CD5: variants seen among roughly 807,000 people sequenced by gnomAD.
CD5 encodes the protein T-cell surface glycoprotein CD5.
A neutral mutation model predicts 60.3 loss-of-function variants in CD5; 36 were observed. The observed-to-expected ratio is 0.60, with a 90% CI of 0.46 to 0.79. CD5 has a LOEUF of 0.79. Ranked by LOEUF, CD5 falls within the 30% of genes least tolerant of loss-of-function variation. The pLI is 0.00. For missense variants in CD5, 540 were observed against 630.6 expected (o/e 0.86, Z 1.54); for synonymous variants, 230 against 257.6 (o/e 0.89, Z 1.03).
At position 61,126,798 on chromosome 11, in the gene CD5, C is replaced by T. The variant is rs149595691; in HGVS notation, c.*513C>T. On this transcript the variant is annotated 3_prime_UTR_variant, in exon 11 of 11. Coordinates refer to ENST00000347785, the MANE Select transcript of CD5 (RefSeq NM_014207.4). The stretch of plus-strand genomic sequence containing the variant: ...AGGACAGGAAGGGGACTCCCGGAGA[C>T]CTCTGCAGCCGTGGTGGTCAGAGGC... 6.6e-6 allele frequency: 1 copy of T among 152,386 alleles called. No individual in the cohort carries two copies. The highest frequency in any genetic ancestry group is 1.5e-5 in the Non-Finnish European group (1 of 68,072). 9.4% of individuals were successfully genotyped at this position (152,386 alleles called of 1,614,324 possible).
At chr11:61,119,701 G>A (rs2134607405) in intron 5 of CD5, 126 bp downstream of exon 5, 1 of 700,854 alleles carries the variant, frequency 1.4e-6, no homozygotes, top group South Asian at 1.9e-5. Context: ...GGGAAGTGGA[G>A]GCCTGGTCTT....
At chr11:61,100,579 T>TTA (rs1555009141), upstream of CD5, among the ~76,000 whole-genome samples, 1 of 68,544 alleles carries the variant, frequency 1.5e-5, no homozygotes, top group African/African-American at 7.6e-5. Context: ...AACATGGAGA[T>TTA]CACACACACA....
intron 8 of CD5, among the ~76,000 whole-genome samples, 176 bp downstream of exon 8, chr11:61,124,113 C>T (rs1861112389): frequency 1.3e-5 from 2 of 152,088 alleles, no homozygotes; most frequent in Admixed American, 6.5e-5. Context: ...CCAGGGAGGG[C>T]GGAGGCTTCT....
At position 61,102,583 on chromosome 11, in the gene CD5, C is replaced by T. The variant is rs915093681; in HGVS notation, c.23C>T (p.Pro8Leu). 8 of 1,592,406 alleles carry T rather than the reference C, an allele frequency of 5.0e-6. No individual in the cohort carries two copies. Among genetic ancestry groups the T allele is most frequent in the African/African-American group, 2.7e-5 (2 of 74,576 alleles). ...ACCATGCCCATGGGGTCTCTGCAAC[C>T]GCTGGCCACCTTGTACCTGCTGGGG... MPMGSLQ[P>L]LATLYLLGML... The change falls in exon 1 of 11, where the codon CCG (proline) becomes CTG (leucine). Residue 8 changes from proline (P) to leucine (L), a missense_variant. Pro to Leu is a moderately conservative substitution (Grantham distance 98). Coordinates refer to ENST00000347785, the MANE Select transcript of CD5 (RefSeq NM_014207.4).
rs1861125639 is a variant in CD5, at chr11:61,125,048, C to T, written c.1296C>T (p.Asn432=). 6.2e-7 allele frequency: 1 copy of T among 1,614,114 alleles called. No homozygotes were observed. The highest frequency in any genetic ancestry group is 1.1e-5 in the South Asian group (1 of 91,084). ...GMNQNMSFHR[N]HTATVRSHAE... Reference sequence around the variant, plus strand: ...TCTGCCCAGTGTCTTTCCATCGCAACCACACGGCAACCGTCCGATCCCATG... The same window carrying T: ...TCTGCCCAGTGTCTTTCCATCGCAATCACACGGCAACCGTCCGATCCCATG... The change falls in exon 9 of 11, where the codon AAC becomes AAT. Residue 432 remains asparagine (N), a synonymous_variant. Coordinates refer to ENST00000347785, the MANE Select transcript of CD5 (RefSeq NM_014207.4).
Position 61,118,495 on chromosome 11 carries a change from AGC to A in CD5, c.400+16_400+17del, listed in dbSNP as rs746834152. 1.7e-5 allele frequency: 27 copies of A among 1,609,564 alleles called. 1 individual carries two copies. The highest frequency in any genetic ancestry group is 1.1e-4 in the South Asian group (10 of 90,888). On this transcript the variant is annotated intron_variant, in intron 3 of 10. Coordinates refer to ENST00000347785, the MANE Select transcript of CD5 (RefSeq NM_014207.4). This position sits in a 1 kb window ranked among gnomAD's most constrained non-coding sequence, Gnocchi z 4.7. ...GACCTGCTTAGGTGGGTAACTAGCC[AGC>A]CACACGGGCACCCTGGGCCTGGGCG... is the stretch of plus-strand genomic sequence containing the variant.
upstream of CD5, among the ~76,000 whole-genome samples, chr11:61,097,640 C>A: frequency 6.6e-6 from 1 of 152,182 alleles, no homozygotes; most frequent in East Asian, 1.9e-4. Flanking sequence ...AACCATCTTT[C>A]TTCCAACTGC....
intron 1 of CD5, among the ~76,000 whole-genome samples, chr11:61,114,451 C>T (rs907349966): frequency 1.4e-5 from 2 of 145,458 alleles, no homozygotes; most frequent in Admixed American, 6.7e-5. Flanking sequence ...CACACACATA[C>T]ATGCATACAT....
At chr11:61,113,661 C>T (rs769940042) in intron 1 of CD5, among the ~76,000 whole-genome samples, 1 of 152,004 alleles carries the variant, frequency 6.6e-6, no homozygotes, top group Admixed American at 6.6e-5. Flanking sequence ...TTGCTCATTT[C>T]TTTCTTTCCT....
At chr11:61,113,229 C>G (rs1213093805) in intron 1 of CD5, among the ~76,000 whole-genome samples, 1 of 152,362 alleles carries the variant, frequency 6.6e-6, no homozygotes, top group East Asian at 1.9e-4. Context: ...ACCGTACTTG[C>G]ACCTAACTGA....
the CD5 span, among the ~76,000 whole-genome samples, chr11:61,093,973 G>A: frequency 6.6e-6 from 1 of 152,140 alleles, no homozygotes; most frequent in African/African-American, 2.4e-5. Context: ...GAGTCTTGCT[G>A]ATGCTCCCGG....
chr11:61,118,472 C>G lies in CD5; in HGVS notation c.392C>G (p.Thr131Ser). The change falls in exon 3 of 11, where the codon ACC becomes AGC. Residue 131 changes from threonine (T) to serine (S), a missense_variant. By Grantham distance (58) the Thr-to-Ser change is moderately conservative. Transcript: ENST00000347785. The surrounding 1 kb of genome is among the most constrained non-coding windows in gnomAD (Gnocchi z 4.7). ...GACATGTGTCACTCTCTGGGCCTGA[C>G]CTGCTTAGGTGGGTAACTAGCCAGC... is the stretch of plus-strand genomic sequence containing the variant. The part of the protein sequence containing the change: ...RNDMCHSLGL[T>S]CLEPQKTTPP... 1.2e-6 allele frequency: 2 copies of G among 1,613,932 alleles called. No homozygotes were observed. The highest frequency in any genetic ancestry group is 1.7e-6 in the Non-Finnish European group (2 of 1,179,846).
chr11:61,115,002 G>C (rs1860917322), intron 1 of CD5, 54 bp from the exon 2 acceptor site: 1 of 1,528,060 alleles, frequency 6.5e-7, no homozygotes, highest in African/African-American at 1.4e-5. Flanking sequence ...GAGCTGGGGA[G>C]AAGGGAGAGA....
intron 6 of CD5, 81 bp downstream of exon 6, chr11:61,121,985 G>A: frequency 7.9e-7 from 1 of 1,259,406 alleles, no homozygotes; most frequent in Non-Finnish European, 1.1e-6. Flanking sequence ...TGTCTCTAAA[G>A]GGAAGCCCTG....
intron 7 of CD5, among the ~76,000 whole-genome samples, chr11:61,123,338 C>A (rs1861097099): frequency 6.6e-6 from 1 of 152,176 alleles, no homozygotes; most frequent in Non-Finnish European, 1.5e-5. Flanking sequence ...GTGTTCAGTA[C>A]AGCCTCTGAT....
chr11:61,121,231 G>A (rs748483662), intron 5 of CD5, among the ~76,000 whole-genome samples: 1 of 152,230 alleles, frequency 6.6e-6, no homozygotes, highest in Non-Finnish European at 1.5e-5. Context: ...GCGGGATAAT[G>A]ACAAGATGTT....
chr11:61,101,019 A>T (rs1335517724), upstream of CD5, among the ~76,000 whole-genome samples: 3 of 128,744 alleles, frequency 2.3e-5, no homozygotes, highest in Admixed American at 2.4e-4. Context: ...CAACATGGAG[A>T]TCACACACAC....
Position 61,123,016 on chromosome 11 carries a change from G to A in CD5, c.1209G>A (p.Lys403=). Residue 403 remains lysine, a synonymous_variant, in exon 7 of 11, where the codon AAG becomes AAA. Coordinates refer to ENST00000347785, the MANE Select transcript of CD5 (RefSeq NM_014207.4). ...TCGTGTGCGGCCCCCTTGCCTACAA[G>A]AAGCTAGTGAAGAAATGTAGGTGTC... ...LLVVCGPLAY[K]KLVKKFRQKK... is the part of the protein sequence containing the mutation. 1 of 1,612,766 alleles carries A rather than the reference G, an allele frequency of 6.2e-7. No homozygotes were observed. The highest frequency in any genetic ancestry group is 8.5e-7 in the Non-Finnish European group (1 of 1,179,400).
At chr11:61,116,844 CCACCACACACACATCACACA>C (rs1225374736) in intron 2 of CD5, among the ~76,000 whole-genome samples, 1 of 143,210 alleles carries the variant, frequency 7.0e-6, no homozygotes, top group African/African-American at 2.6e-5. Context: ...AACACACACA[CCACCACACACACATCACACA>C]CACCACACAC....
Sources: gnomAD v4.1 joint callset for allele counts (sites outside exome capture counted in the v4.1 genomes callset) on GRCh38, gnomAD v4.1.1 for gene constraint, Gnocchi (gnomAD v3.1) non-coding constraint, MANE v1.5 for transcripts, NCBI Gene and HGNC (gene_info 2026-07-23, HGNC 2026-07-21) for gene names.